Variants in LAMA2 observed in about 807,000 individuals in gnomAD.
LAMA2 encodes the protein laminin subunit alpha 2.
LAMA2 carries 269 observed loss-of-function variants against 364.8 expected under a neutral mutation model. The ratio of observed to expected loss-of-function variants is 0.74; its 90% CI spans 0.67 to 0.82. The LOEUF (loss-of-function observed/expected upper bound fraction) is 0.82, where lower values mean the gene tolerates loss of function less well. Ranked by LOEUF, LAMA2 falls within the 40% of genes least tolerant of loss-of-function variation. LAMA2 has a pLI of 0.00. For missense variants in LAMA2, 3,807 were observed against 3,873.2 expected, an observed-to-expected ratio of 0.98 and a Z score of 0.45; for synonymous variants, 1,379 against 1,370.6, an observed-to-expected ratio of 1.01 and a Z score of -0.14.
At position 128,985,977 on chromosome 6, in the gene LAMA2, C is replaced by G. The variant is rs765881705; in HGVS notation, c.113-63941C>G. 3.3e-5 allele frequency among the ~76,000 whole-genome samples: 5 copies of G among 152,262 alleles called. 1 individual carries two copies. The South Asian group carries it at 1.0e-3, about 32-fold the overall frequency. On this transcript the variant is annotated intron_variant, in intron 1 of 64. Transcript: ENST00000421865. ...TATTTACCTACAGGTAGAATTCAAACAGGAAAGCAGATCAAATACTTGATT... is the reference window on the plus strand; with the variant it reads ...TATTTACCTACAGGTAGAATTCAAAGAGGAAAGCAGATCAAATACTTGATT...
chr6:129,158,759 G>C lies in LAMA2; in HGVS notation c.1206+4076G>C. 27 of 1,614,158 alleles carry C rather than the reference G, an allele frequency of 1.7e-5. 1 individual carries two copies. The South Asian group carries it at 2.5e-4, about 15-fold the overall frequency. ...TAAATTGGTCCGACAACATTCTATT[G>C]TCCGGCGTAGCTGGGCTTTTGGAGA... On this transcript the variant is annotated intron_variant, in intron 8 of 64. Transcript: ENST00000421865.
chr6:129,119,041 A>G (rs1227343698), intron 4 of LAMA2, among the ~76,000 whole-genome samples: 1 of 152,244 alleles, frequency 6.6e-6, no homozygotes, highest in African/African-American at 2.4e-5. Flanking sequence ...CGGTCCAAAG[A>G]CAAAGAAAGT....
At chr6:129,472,705 A>G (rs996157627) in intron 51 of LAMA2, among the ~76,000 whole-genome samples, 3 of 151,932 alleles carry the variant, frequency 2.0e-5, no homozygotes, top group African/African-American at 7.2e-5. Context: ...TCCTTGTACA[A>G]CATCCCCTTC....
chr6:129,516,348 TAAA>T lies in LAMA2; in HGVS notation c.*4_*6del. On this transcript the variant is annotated 3_prime_UTR_variant, in exon 65 of 65. Coordinates refer to ENST00000421865, the MANE Select transcript of LAMA2 (RefSeq NM_000426.4). Reference sequence around the variant, plus strand: ...ACCTGTATCATGCCCAGCCAACTAATAAAAATAAGTGTAACCCCAGGAAGAGTC... The same window carrying T: ...ACCTGTATCATGCCCAGCCAACTAATAATAAGTGTAACCCCAGGAAGAGTC... The T allele has an allele frequency of 6.2e-7, 1 of 1,613,730 alleles. No homozygotes were observed. Among genetic ancestry groups the T allele is most frequent in the Non-Finnish European group, 8.5e-7 (1 of 1,179,806 alleles).
chr6:129,244,224 C>T (rs1041806306), intron 12 of LAMA2, among the ~76,000 whole-genome samples: 1 of 152,134 alleles, frequency 6.6e-6, no homozygotes, highest in East Asian at 1.9e-4. Context: ...TAATAATTAT[C>T]GAGCTTTTAA....
At chr6:129,266,962 T>C in intron 15 of LAMA2, 144 bp from the exon 16 acceptor site, 1 of 733,030 alleles carries the variant, frequency 1.4e-6, no homozygotes, top group Non-Finnish European at 2.5e-6. Flanking sequence ...TGTTGCAATG[T>C]TTCAATAATG....
At chr6:129,195,637 GT>G (rs1781792788) in intron 12 of LAMA2, among the ~76,000 whole-genome samples, 1 of 152,080 alleles carries the variant, frequency 6.6e-6, no homozygotes, top group Non-Finnish European at 1.5e-5. Flanking sequence ...TTCCCGCCTC[GT>G]TCTTGATAGT....
At chr6:129,060,694 A>C (rs1788845431) in intron 3 of LAMA2, among the ~76,000 whole-genome samples, 1 of 152,168 alleles carries the variant, frequency 6.6e-6, no homozygotes, top group African/African-American at 2.4e-5. Flanking sequence ...CTGTGTGGGG[A>C]AGCCCCCAGC....
At chr6:129,208,639 AAAG>A (rs1211451241) in intron 12 of LAMA2, among the ~76,000 whole-genome samples, 1 of 150,184 alleles carries the variant, frequency 6.7e-6, no homozygotes, top group Non-Finnish European at 1.5e-5. Context: ...AAGAAGAAAG[AAAG>A]AAGGAAGGAA....
At chr6:129,158,548 C>A (rs1779261525) in intron 8 of LAMA2, 1 of 1,613,916 alleles carries the variant, frequency 6.2e-7, no homozygotes, top group Non-Finnish European at 8.5e-7. Context: ...TGTTCCAAAT[C>A]ACGATTGTAA....
At chr6:129,153,790 T>C (rs1662735847) in intron 7 of LAMA2, among the ~76,000 whole-genome samples, 2 of 152,184 alleles carry the variant, frequency 1.3e-5, no homozygotes, top group African/African-American at 4.8e-5. Flanking sequence ...AAAGGAATTA[T>C]ATTATACATA....
At chr6:129,361,674 C>A (rs1049434250) in intron 32 of LAMA2, among the ~76,000 whole-genome samples, 1 of 152,100 alleles carries the variant, frequency 6.6e-6, no homozygotes, top group African/African-American at 2.4e-5. Context: ...TGTTGCTCTG[C>A]CACATTCTGT....
At chr6:129,064,912 T>C (rs1169833183) in intron 3 of LAMA2, among the ~76,000 whole-genome samples, 2 of 152,204 alleles carry the variant, frequency 1.3e-5, no homozygotes. Flanking sequence ...ACTTATTTTA[T>C]GAGGCCAGCC....
At chr6:129,346,843 A>C (rs1050820962) in intron 30 of LAMA2, among the ~76,000 whole-genome samples, 33 of 152,190 alleles carry the variant, frequency 2.2e-4, no homozygotes, top group African/African-American at 7.2e-4. Context: ...ACTTAGAGTG[A>C]TGAAGGTATG....
chr6:129,136,874 C>T (rs1777825308), intron 4 of LAMA2, among the ~76,000 whole-genome samples: 1 of 152,090 alleles, frequency 6.6e-6, no homozygotes, highest in Non-Finnish European at 1.5e-5. Context: ...TTTTCAGGCA[C>T]TTAGTGGTCA....
intron 3 of LAMA2, among the ~76,000 whole-genome samples, chr6:129,078,491 A>T (rs930112915): frequency 7.9e-5 from 12 of 152,100 alleles, no homozygotes; most frequent in Admixed American, 5.9e-4. Flanking sequence ...TCCCTAAAAA[A>T]TAAAATATTA....
chr6:129,479,028 G>T (rs754062593), intron 54 of LAMA2, among the ~76,000 whole-genome samples: 7 of 152,140 alleles, frequency 4.6e-5, no homozygotes, highest in Non-Finnish European at 8.8e-5. Flanking sequence ...TTTTCCAAAT[G>T]TATAGCTCTT....
chr6:129,106,816 C>T (rs865900031), intron 4 of LAMA2, among the ~76,000 whole-genome samples: 4 of 149,284 alleles, frequency 2.7e-5, no homozygotes, highest in Admixed American at 6.7e-5. Context: ...GGATTATATT[C>T]CTCCTTTTTC....
At chr6:128,992,348 C>T (rs1783662341) in intron 1 of LAMA2, among the ~76,000 whole-genome samples, 1 of 152,122 alleles carries the variant, frequency 6.6e-6, no homozygotes, top group Admixed American at 6.5e-5. Flanking sequence ...AATGGCTAAT[C>T]CTTTACAGTT....
Sources: allele counts gnomAD v4.1 joint callset (sites outside exome capture counted in the v4.1 genomes callset), GRCh38; gene constraint gnomAD v4.1.1; transcripts MANE v1.5; gene names NCBI Gene and HGNC (gene_info 2026-07-23, HGNC 2026-07-21).